The following USP35 variants were observed in gnomAD, a reference collection of about 807,000 sequenced individuals.
USP35 encodes ubiquitin carboxyl-terminal hydrolase 35.
Under a neutral mutation model 83.8 loss-of-function variants are expected in USP35, and 69 were observed. The observed-to-expected ratio is 0.82, with a 90% confidence interval of 0.68 to 1.01. The LOEUF (loss-of-function observed/expected upper bound fraction) is 1.01. Ranked by LOEUF, USP35 falls within the 50% of genes least tolerant of loss-of-function variation. The pLI is 0.00. For missense variants in USP35, 1,503 were observed against 1,362.5 expected (o/e 1.10, Z -1.62); for synonymous variants, 714 against 589.5 (o/e 1.21, Z -3.06).
In USP35 at chr11:78,209,807, A is replaced by C. The variant is rs1290229551; in HGVS notation, c.1952A>C (p.Asp651Ala). 1 of 1,613,628 alleles carries C rather than the reference A, an allele frequency of 6.2e-7. No individual in the cohort carries two copies. The highest frequency in any genetic ancestry group is 8.5e-7 in the Non-Finnish European group (1 of 1,179,856). The change falls in exon 10 of 11, where the codon GAC becomes GCC. Residue 651 changes from aspartate to alanine, a missense_variant. Transcript: ENST00000529308. ...RRQRKHCITE[D>A]TPPTSLYIEG... is the part of the protein sequence containing the mutation. Reference sequence around the variant, plus strand: ...CAAAGGAAACACTGCATCACAGAGGACACCCCCCCCACCAGCCTGTACATC... The same window carrying C: ...CAAAGGAAACACTGCATCACAGAGGCCACCCCCCCCACCAGCCTGTACATC...
chr11:78,236,888 T>C, the USP35 span, among the ~76,000 whole-genome samples: 1 of 152,220 alleles, frequency 6.6e-6, no homozygotes, highest in Non-Finnish European at 1.5e-5. Flanking sequence ...ATATATATTG[T>C]CCCAAACAGA....
chr11:78,211,494 G>A (rs556451367), intron 10 of USP35, among the ~76,000 whole-genome samples: 32 of 152,260 alleles, frequency 2.1e-4, no homozygotes, highest in Non-Finnish European at 4.1e-4. Context: ...GGGTCAAATG[G>A]TATTTCTGCC....
chr11:78,230,301 A>C, the USP35 span, among the ~76,000 whole-genome samples: 2 of 152,226 alleles, frequency 1.3e-5, no homozygotes, highest in Non-Finnish European at 2.9e-5. Flanking sequence ...TCTCGCTCAC[A>C]GAACTACTCA....
In USP35 at chr11:78,215,189, A is replaced by T. The variant is rs1227413061; in HGVS notation, c.*1376A>T. On this transcript the variant is annotated 3_prime_UTR_variant, in exon 11 of 11. Transcript: ENST00000529308. ...GCATTTGTTCTTATTCACAGCCAAG[A>T]AAAATACCCAATTATTTCCAAATAA... 6.6e-6 allele frequency: 1 copy of T among 152,556 alleles called. No homozygotes were observed. 9.5% of individuals were successfully genotyped at this position (152,556 alleles called of 1,614,324 possible).
rs115280542 is a variant in USP35, at chr11:78,214,611, G to A, written c.*798G>A. On this transcript the variant is annotated 3_prime_UTR_variant, in exon 11 of 11. Coordinates refer to ENST00000529308, the MANE Select transcript of USP35 (RefSeq NM_020798.4). ...TGCAACAGCAGCCACCTGCAGGTTGGGTGAAGTGCCCTGACACTGCTGTAG... is the reference window on the plus strand; with the variant it reads ...TGCAACAGCAGCCACCTGCAGGTTGAGTGAAGTGCCCTGACACTGCTGTAG... 2 of 152,252 alleles carry A rather than the reference G, an allele frequency of 1.3e-5. No individual in the cohort carries two copies. Among genetic ancestry groups the A allele is most frequent in the East Asian group, 3.8e-4 (2 of 5,196 alleles). 9.4% of individuals were successfully genotyped at this position (152,252 alleles called of 1,614,324 possible). A position where few individuals can be genotyped will look rare whatever the true frequency, so the allele number is the denominator to read the frequency against.
At chr11:78,219,825 G>T (rs554022917), downstream of USP35, among the ~76,000 whole-genome samples, 1 of 152,268 alleles carries the variant, frequency 6.6e-6, no homozygotes, top group African/African-American at 2.4e-5. Flanking sequence ...GCCACCCTGT[G>T]AAGGGGAACC....
At chr11:78,225,083 G>A in the USP35 span, 3 of 1,499,336 alleles carry the variant, frequency 2.0e-6, no homozygotes, top group Non-Finnish European at 2.8e-6. Context: ...CCGGCCTGAG[G>A]ACCCTTGGGT....
chr11:78,217,570 C>G (rs769816059), downstream of USP35: 1 of 152,126 alleles, frequency 6.6e-6, no homozygotes, highest in South Asian at 2.1e-4. Context: ...TCTGTTCGCC[C>G]CAGGGTAGAA....
chr11:78,199,487 T>C lies in USP35; in HGVS notation c.807-108T>C, dbSNP rs146739453. On this transcript the variant is annotated intron_variant, in intron 3 of 10. Transcript: ENST00000529308. Reference sequence around the variant, plus strand: ...AGACCCCGGGGCTGCCCTTTGCAGGTGTGAGTCAATGTGGGAACCCAGGAC... The same window carrying C: ...AGACCCCGGGGCTGCCCTTTGCAGGCGTGAGTCAATGTGGGAACCCAGGAC... 1.3e-3 allele frequency: 1,940 copies of C among 1,525,438 alleles called. 14 individuals are homozygous for C. In the African/African-American group the frequency reaches 0.023, roughly 18 times the overall value. The allele number at this position is 1,525,438 out of a possible 1,614,324, so 94.5% of individuals were successfully genotyped here. A position where few individuals can be genotyped will look rare whatever the true frequency, so the allele number is the denominator to read the frequency against.
chr11:78,222,798 G>T, the USP35 span, among the ~76,000 whole-genome samples: 2 of 152,074 alleles, frequency 1.3e-5, no homozygotes, highest in Non-Finnish European at 2.9e-5. Context: ...GGCCAGGCTG[G>T]TCTCGAACTT....
At chr11:78,224,409 G>A in the USP35 span, among the ~76,000 whole-genome samples, 4 of 152,192 alleles carry the variant, frequency 2.6e-5, no homozygotes, top group African/African-American at 9.6e-5. Flanking sequence ...GAGGTCTGGG[G>A]CCAGTTGTGT....
intron 1 of USP35, among the ~76,000 whole-genome samples, chr11:78,192,193 A>G (rs887370750): frequency 6.6e-6 from 1 of 152,224 alleles, no homozygotes; most frequent in African/African-American, 2.4e-5. Context: ...GAAAACCTGT[A>G]TCTTCAGCTT....
chr11:78,215,567 T>G (rs1864081865), downstream of USP35: 1 of 152,522 alleles, frequency 6.6e-6, no homozygotes, highest in Non-Finnish European at 1.5e-5. Context: ...AGACTGGGCT[T>G]CCACTAGCCC....
At chr11:78,222,396 A>G in the USP35 span, among the ~76,000 whole-genome samples, 154 of 152,100 alleles carry the variant, frequency 1.0e-3, no homozygotes, top group Non-Finnish European at 2.0e-3. Context: ...ATTCCAAATT[A>G]TATATTCTTT....
intron 1 of USP35, among the ~76,000 whole-genome samples, chr11:78,195,329 G>C (rs192305886): frequency 1.9e-4 from 29 of 152,228 alleles, no homozygotes; most frequent in Middle Eastern, 3.4e-3. Flanking sequence ...GGTTGTGTGA[G>C]AGCATGGTGG....
At chr11:78,223,927 A>C in the USP35 span, among the ~76,000 whole-genome samples, 9 of 152,104 alleles carry the variant, frequency 5.9e-5, no homozygotes, top group African/African-American at 2.2e-4. Context: ...CTAAAAATCC[A>C]AAGTATTAGC....
intron 8 of USP35, 80 bp downstream of exon 8, chr11:78,207,703 G>A: frequency 7.1e-7 from 1 of 1,406,712 alleles, no homozygotes; most frequent in Non-Finnish European, 9.9e-7. Flanking sequence ...CCTTCCCCAG[G>A]ACCTGCCTGC....
rs1190311459 is a variant in USP35 at position 78,214,237 on chromosome 11, G to A, written c.*424G>A. ...GCAGGATCCAAGCCTTGCACAAAGG[G>A]GTGGGGGGGGCAGTGTCTCCTCTGG... On this transcript the variant is annotated 3_prime_UTR_variant, in exon 11 of 11. Coordinates refer to ENST00000529308, the MANE Select transcript of USP35 (RefSeq NM_020798.4). The A allele has an allele frequency of 7.0e-6, 1 of 142,962 alleles. No homozygotes were observed. Among genetic ancestry groups the A allele is most frequent in the Non-Finnish European group, 1.5e-5 (1 of 67,956 alleles). 8.9% of individuals were successfully genotyped at this position (142,962 alleles called of 1,614,324 possible).
At chr11:78,222,210 G>T in the USP35 span, 1 of 1,580,318 alleles carries the variant, frequency 6.3e-7, no homozygotes, top group Non-Finnish European at 8.7e-7. Context: ...AGCAGGAAAA[G>T]AAAGTCTGGT....
Sources: allele counts gnomAD v4.1 joint callset (sites outside exome capture counted in the v4.1 genomes callset), GRCh38; gene constraint gnomAD v4.1.1; transcripts MANE v1.5; gene names NCBI Gene and HGNC (gene_info 2026-07-23, HGNC 2026-07-21).